CADPS: variants seen among roughly 807,000 people sequenced by gnomAD.
The protein encoded by CADPS is calcium dependent secretion activator.
Under a neutral mutation model 167.3 loss-of-function variants are expected in CADPS, and 57 were observed. The ratio of observed to expected loss-of-function variants is 0.34; its 90% CI spans 0.28 to 0.42. CADPS has a LOEUF of 0.42. CADPS is among the 20% of genes least tolerant of loss of function. The pLI is 1.00. For missense variants in CADPS, 1,414 were observed against 1,738.1 expected (o/e 0.81, Z 3.32); for synonymous variants, 676 against 635.3 (o/e 1.06, Z -0.96).
At chr3:62,628,324 C>CTTCT (rs2064518168) in intron 6 of CADPS, among the ~76,000 whole-genome samples, 1 of 152,148 alleles carries the variant, frequency 6.6e-6, no homozygotes, top group Non-Finnish European at 1.5e-5. Context: ...CAATCATTTT[C>CTTCT]TTCTGGGCTC....
In CADPS at chr3:62,544,962, T is replaced by C. The variant is rs2076226104; in HGVS notation, c.1966+4941A>G. The C allele has an allele frequency of 8.6e-6, 5 of 578,036 alleles. No homozygotes were observed. Among genetic ancestry groups the C allele is most frequent in the Non-Finnish European group, 1.2e-5 (5 of 414,498 alleles). 35.8% of individuals were successfully genotyped at this position (578,036 alleles called of 1,614,324 possible). ...AGTTCTAACCTAGCAGCCTAAGTTC[T>C]TGGGTTCGAGCAAAGATTGAACAAG... On this transcript the variant is annotated intron_variant, in intron 11 of 29. Transcript: ENST00000383710. The surrounding 1 kb of genome is among the most constrained non-coding windows in gnomAD (Gnocchi z 4.4).
chr3:62,432,596 TTGA>T (rs974090312), intron 28 of CADPS, among the ~76,000 whole-genome samples: 4 of 152,104 alleles, frequency 2.6e-5, no homozygotes, highest in African/African-American at 7.2e-5. Context: ...CATTTCCATT[TTGA>T]TGATGATGAT....
At chr3:62,769,300 C>T (rs939285439) in intron 1 of CADPS, among the ~76,000 whole-genome samples, 15 of 150,562 alleles carry the variant, frequency 1.0e-4, no homozygotes, top group Non-Finnish European at 1.9e-4. Context: ...GGTGTGATCT[C>T]GGCTCACTGC....
chr3:62,610,081 C>A (rs1277996762), intron 6 of CADPS, among the ~76,000 whole-genome samples: 1 of 151,478 alleles, frequency 6.6e-6, no homozygotes, highest in East Asian at 1.9e-4. Context: ...AGAGTGAGAC[C>A]CTTTCTGGAA....
chr3:62,733,941 T>C lies in CADPS; in HGVS notation c.888+19500A>G, dbSNP rs1295752485. Among the ~76,000 whole-genome samples, 3 of 152,198 alleles carry C rather than the reference T, an allele frequency of 2.0e-5. No homozygotes were observed. In the East Asian group the frequency reaches 5.8e-4, roughly 29 times the overall value. ...CCCACGTAAAAGTGAAAACATGTAA[T>C]AGTTTTCCATTCCTGAGTTACTTCT... is the stretch of plus-strand genomic sequence containing the variant. On this transcript the variant is annotated intron_variant, in intron 3 of 29. Coordinates refer to ENST00000383710, the MANE Select transcript of CADPS (RefSeq NM_003716.4).
chr3:62,641,564 G>T (rs2067421077), intron 6 of CADPS, among the ~76,000 whole-genome samples: 1 of 152,132 alleles, frequency 6.6e-6, no homozygotes, highest in South Asian at 2.1e-4. Context: ...CCTTCCTGAG[G>T]CTGCTGATCT....
intron 14 of CADPS, among the ~76,000 whole-genome samples, chr3:62,517,137 C>T (rs1322562633): frequency 1.3e-5 from 2 of 152,068 alleles, no homozygotes; most frequent in Admixed American, 6.6e-5. Flanking sequence ...GGACCGTCTG[C>T]TACCGGTAAT....
At chr3:62,516,229 T>C in intron 15 of CADPS, 47 bp from the exon 16 acceptor site, 1 of 1,608,222 alleles carries the variant, frequency 6.2e-7, no homozygotes, top group Non-Finnish European at 8.5e-7. Context: ...CAAGCAAATG[T>C]GTCACTCATC....
chr3:62,576,560 G>T (rs2082302707), intron 8 of CADPS, among the ~76,000 whole-genome samples: 3 of 151,524 alleles, frequency 2.0e-5, no homozygotes, highest in Non-Finnish European at 4.4e-5. Context: ...GGAGGCTGAG[G>T]TGCACAGATC....
rs34002756 is a variant in CADPS at position 62,428,296 on chromosome 3, CTTTTTTTTTTTTTTTT to C, written c.3777+9792_3777+9807del. On this transcript the variant is annotated intron_variant, in intron 28 of 29. Coordinates refer to ENST00000383710, the MANE Select transcript of CADPS (RefSeq NM_003716.4). The stretch of plus-strand genomic sequence containing the variant: ...TTGCAGCCACCTGGTGGAAGCAAGA[CTTTTTTTTTTTTTTTT>C]TTTTTTTTTTTTTTTTTAAATTGAG... Among the ~76,000 whole-genome samples, 11 of 64,648 alleles carry C rather than the reference CTTTTTTTTTTTTTTTT, an allele frequency of 1.7e-4. No homozygotes were observed. The East Asian group carries it at 5.9e-3, about 35-fold the overall frequency. The allele number at this position is 64,648 out of a possible 152,430, so 42.4% of individuals were successfully genotyped here.
At chr3:62,690,420 T>A (rs541096870) in intron 3 of CADPS, among the ~76,000 whole-genome samples, 69 of 152,176 alleles carry the variant, frequency 4.5e-4, no homozygotes, top group African/African-American at 1.6e-3. Context: ...TTGTGTGAAC[T>A]TTTTCAGCAT....
At chr3:62,468,986 C>T (rs2060258732) in intron 24 of CADPS, among the ~76,000 whole-genome samples, 1 of 152,096 alleles carries the variant, frequency 6.6e-6, no homozygotes, top group Admixed American at 6.5e-5. Flanking sequence ...TGCTATGTGG[C>T]AGTATTACTA....
intron 1 of CADPS, among the ~76,000 whole-genome samples, chr3:62,823,847 T>C (rs1462641783): frequency 1.3e-5 from 2 of 152,174 alleles, no homozygotes; most frequent in African/African-American, 2.4e-5. Flanking sequence ...ATAAACTGAC[T>C]GGGGATCAGA....
intron 3 of CADPS, among the ~76,000 whole-genome samples, chr3:62,729,593 T>A (rs574750700): frequency 6.6e-6 from 1 of 152,022 alleles, no homozygotes; most frequent in South Asian, 2.1e-4. Flanking sequence ...CATCTCAATT[T>A]CACAATCTTT....
chr3:62,595,102 C>G (rs2058727783), intron 6 of CADPS, among the ~76,000 whole-genome samples: 1 of 152,012 alleles, frequency 6.6e-6, no homozygotes, highest in Admixed American at 6.6e-5. Context: ...CCTATTAACT[C>G]AAAGACACAG....
At chr3:62,828,820 C>G (rs1400699730) in intron 1 of CADPS, among the ~76,000 whole-genome samples, 1 of 152,092 alleles carries the variant, frequency 6.6e-6, no homozygotes, top group African/African-American at 2.4e-5. Flanking sequence ...CTTATGGACC[C>G]AATTCTACCA....
In CADPS at chr3:62,456,551, T is replaced by C. The variant is rs1234731315; in HGVS notation, c.3636+8816A>G. Among the ~76,000 whole-genome samples the C allele has an allele frequency of 2.0e-5, 3 of 152,046 alleles. No individual in the cohort carries two copies. The South Asian group carries it at 6.2e-4, about 31-fold the overall frequency. ...CCAAATGGAAACTTTCTTCTTGACA[T>C]AAGGATAAAGATGAAAAGAGAATTA... On this transcript the variant is annotated intron_variant, in intron 26 of 29. Coordinates refer to ENST00000383710, the MANE Select transcript of CADPS (RefSeq NM_003716.4).
chr3:62,874,798 G>A lies in CADPS; in HGVS notation c.232C>T (p.Leu78=), dbSNP rs1003541762. 1.2e-4 allele frequency: 138 copies of A among 1,196,998 alleles called. No homozygotes were observed. The highest frequency in any genetic ancestry group is 1.4e-4 in the Non-Finnish European group (133 of 932,514). The allele number at this position is 1,196,998 out of a possible 1,614,324, so 74.1% of individuals were successfully genotyped here. ...CCGCCAGCGCGGCTGCTGGGTTGCAGCCCCCCGGCCCCGCCGCCGCTGCTC... is the reference window on the plus strand; with the variant it reads ...CCGCCAGCGCGGCTGCTGGGTTGCAACCCCCCGGCCCCGCCGCCGCTGCTC... ...GASSGGGAGG[L]QPSSRAGGGR... is the part of the protein sequence containing the mutation. Residue 78 remains leucine, a synonymous_variant, in exon 1 of 30, where the codon CTG becomes TTG. Transcript: ENST00000383710. The surrounding 1 kb of genome is among the most constrained non-coding windows in gnomAD (Gnocchi z 7.1).
At chr3:62,533,117 G>T in intron 12 of CADPS, 59 bp from the exon 13 acceptor site, 1 of 1,491,842 alleles carries the variant, frequency 6.7e-7, no homozygotes, top group Non-Finnish European at 9.3e-7. Flanking sequence ...CTGGAGAGCT[G>T]CTAGAGTTGG....
Sources: allele counts gnomAD v4.1 joint callset (sites outside exome capture counted in the v4.1 genomes callset), GRCh38; gene constraint gnomAD v4.1.1; non-coding constraint Gnocchi (gnomAD v3.1); transcripts MANE v1.5; gene names NCBI Gene and HGNC (gene_info 2026-07-23, HGNC 2026-07-21).